The following SLC2A9 variants were observed in gnomAD, a reference collection of about 807,000 sequenced individuals.
SLC2A9 encodes solute carrier family 2 member 9.
In SLC2A9, 39 loss-of-function variants were observed where a neutral mutation model predicts 50.6. That is an observed-to-expected ratio of 0.77 (90% confidence interval 0.60 to 1.01). SLC2A9 has a LOEUF of 1.01. Among genes scored for constraint, SLC2A9 ranks in the 50% least tolerant of loss-of-function variants. The probability of loss-of-function intolerance (pLI) is 0.00; values close to 1 mark genes in which losing one functional copy is unlikely to be tolerated. For synonymous variants in SLC2A9, 324 were observed against 276.9 expected, an observed-to-expected ratio of 1.17 and a Z score of -1.69; for missense variants, 686 against 677.6, an observed-to-expected ratio of 1.01 and a Z score of -0.14.
chr4:9,914,668 T>C (rs1742526312), intron 7 of SLC2A9, among the ~76,000 whole-genome samples: 1 of 152,132 alleles, frequency 6.6e-6, no homozygotes, highest in African/African-American at 2.4e-5. Flanking sequence ...CGGGAGTCTG[T>C]GGGCTGGACA....
At chr4:9,899,931 C>T (rs1294996380) in intron 8 of SLC2A9, among the ~76,000 whole-genome samples, 2 of 152,128 alleles carry the variant, frequency 1.3e-5, no homozygotes, top group South Asian at 2.1e-4. Context: ...GGCTTGAGGC[C>T]GTAGCTTCTG....
chr4:9,934,919 G>C (rs998621412), intron 6 of SLC2A9, among the ~76,000 whole-genome samples: 4 of 152,144 alleles, frequency 2.6e-5, no homozygotes, highest in Non-Finnish European at 4.4e-5. Context: ...TTGGTTTTCT[G>C]TTCCTGTGTT....
intron 10 of SLC2A9, among the ~76,000 whole-genome samples, chr4:9,839,910 C>T (rs570942708): frequency 4.6e-5 from 7 of 152,088 alleles, no homozygotes; most frequent in African/African-American, 1.7e-4. Flanking sequence ...AAATAATCTG[C>T]ATAACAAACC....
intron 3 of SLC2A9, among the ~76,000 whole-genome samples, chr4:9,987,442 T>C (rs370574300): frequency 9.8e-5 from 15 of 152,366 alleles, no homozygotes; most frequent in African/African-American, 3.1e-4. Context: ...TTAGGTCATA[T>C]AGTCAGTGAG....
At chr4:9,965,288 C>A (rs1404604608) in intron 5 of SLC2A9, among the ~76,000 whole-genome samples, 1 of 152,236 alleles carries the variant, frequency 6.6e-6, no homozygotes, top group South Asian at 2.1e-4. Flanking sequence ...CACAGCCCTG[C>A]AGAGGCTGTT....
chr4:9,997,106 A>G (rs983140668), intron 2 of SLC2A9, among the ~76,000 whole-genome samples, 165 bp from the exon 3 acceptor site: 2 of 152,244 alleles, frequency 1.3e-5, no homozygotes, highest in African/African-American at 2.4e-5. Flanking sequence ...AATTTTGGGA[A>G]GAGCAGAAGA....
chr4:9,894,601 A>G (rs1395416119), intron 8 of SLC2A9, among the ~76,000 whole-genome samples: 1 of 152,210 alleles, frequency 6.6e-6, no homozygotes, highest in African/African-American at 2.4e-5. Context: ...AATATTTCCA[A>G]TACCCATACT....
At chr4:9,892,157 C>A (rs766466665) in intron 8 of SLC2A9, among the ~76,000 whole-genome samples, 1 of 152,232 alleles carries the variant, frequency 6.6e-6, no homozygotes, top group Non-Finnish European at 1.5e-5. Context: ...CTGGGCAGAG[C>A]CGGCACTGAG....
intron 8 of SLC2A9, among the ~76,000 whole-genome samples, chr4:9,899,001 T>C (rs1037784651): frequency 6.9e-5 from 6 of 86,428 alleles, no homozygotes; most frequent in Middle Eastern, 5.8e-3. Context: ...TCCCTCCCCC[T>C]CTCTCTCTCT....
intron 10 of SLC2A9, among the ~76,000 whole-genome samples, chr4:9,876,353 G>A (rs1254661330): frequency 6.6e-6 from 1 of 152,172 alleles, no homozygotes; most frequent in Non-Finnish European, 1.5e-5. Context: ...AGCACTTTGG[G>A]AGGCCAAGGT....
chr4:9,869,938 G>T (rs767782917), intron 10 of SLC2A9, among the ~76,000 whole-genome samples: 2 of 152,272 alleles, frequency 1.3e-5, no homozygotes, highest in African/African-American at 2.4e-5. Context: ...TAAGGATGTT[G>T]AGAGGAGGAC....
chr4:9,866,428 T>A (rs1331572396), intron 10 of SLC2A9, among the ~76,000 whole-genome samples: 1 of 152,090 alleles, frequency 6.6e-6, no homozygotes, highest in Non-Finnish European at 1.5e-5. Context: ...GAAATCCAGC[T>A]GCTGAACTGA....
chr4:9,985,677 A>G lies in SLC2A9; in HGVS notation c.527T>C (p.Ile176Thr), dbSNP rs1220109681. The change falls in exon 4 of 12, where the codon ATA (isoleucine) becomes ACA (threonine). Residue 176 changes from isoleucine to threonine, a missense_variant. By Grantham distance (89) the Ile-to-Thr change is moderately conservative (BLOSUM62 -1). Transcript: ENST00000264784. ...MLIVGRFIMG[I>T]DGGVALSVLP... ...TCATGGTGAACTCTCACCTCCATCTATGCCCATGATGAAGCGTCCCACGAT... is the reference window on the plus strand; with the variant it reads ...TCATGGTGAACTCTCACCTCCATCTGTGCCCATGATGAAGCGTCCCACGAT... The G allele has an allele frequency of 6.2e-7, 1 of 1,613,968 alleles. No homozygotes were observed. The highest frequency in any genetic ancestry group is 1.7e-5 in the Admixed American group (1 of 60,008).
At chr4:9,926,255 A>G (rs773692322) in intron 6 of SLC2A9, among the ~76,000 whole-genome samples, 2 of 27,352 alleles carry the variant, frequency 7.3e-5, no homozygotes, top group Admixed American at 5.3e-4. Context: ...TAATGCAAAC[A>G]CACATTGTCT....
intron 8 of SLC2A9, among the ~76,000 whole-genome samples, chr4:9,900,580 C>T (rs558139475): frequency 6.6e-6 from 1 of 152,186 alleles, no homozygotes; most frequent in African/African-American, 2.4e-5. Context: ...TTCCTCATCC[C>T]CACCCAGTCC....
chr4:9,890,954 C>T (rs556486513), intron 8 of SLC2A9, among the ~76,000 whole-genome samples: 168 of 152,320 alleles, frequency 1.1e-3, no homozygotes, highest in African/African-American at 3.9e-3. Flanking sequence ...CACTCTCCTC[C>T]GAATCTTCCT....
chr4:9,804,971 G>C (rs997124469), intron 3 of SLC2A9, among the ~76,000 whole-genome samples: 17 of 152,146 alleles, frequency 1.1e-4, no homozygotes, highest in Admixed American at 9.8e-4. Flanking sequence ...TAGAGCCAGA[G>C]GGACAAAAAG....
At chr4:9,949,683 G>A (rs570785327) in intron 5 of SLC2A9, among the ~76,000 whole-genome samples, 6 of 152,254 alleles carry the variant, frequency 3.9e-5, no homozygotes, top group South Asian at 2.1e-4. Flanking sequence ...CTTCCCTCAT[G>A]GTGGCAGCTG....
chr4:9,968,268 T>A (rs1453234480), intron 5 of SLC2A9, among the ~76,000 whole-genome samples: 1 of 152,212 alleles, frequency 6.6e-6, no homozygotes, highest in African/African-American at 2.4e-5. Flanking sequence ...CAGAGTCCTA[T>A]CTCAGAAGTT....
Sources: allele counts gnomAD v4.1 joint callset (sites outside exome capture counted in the v4.1 genomes callset), GRCh38; gene constraint gnomAD v4.1.1; transcripts MANE v1.5; gene names NCBI Gene and HGNC (gene_info 2026-07-23, HGNC 2026-07-21).